Variants in MALRD1 observed in about 807,000 individuals in gnomAD.
The protein encoded by MALRD1 is MAM and LDL receptor class A domain containing 1.
A neutral mutation model predicts 242.1 loss-of-function variants in MALRD1; 247 were observed. The observed-to-expected ratio is 1.02, with a 90% CI of 0.92 to 1.13. MALRD1 has a LOEUF of 1.13. MALRD1 is among the 50% of genes most tolerant of loss of function. MALRD1 has a pLI of 0.00. For missense variants in MALRD1, 2,989 were observed against 2,533.1 expected (o/e 1.18, Z -3.86); for synonymous variants, 995 against 866.6 (o/e 1.15, Z -2.60).
At chr10:19,610,176 G>A (rs561297501) in intron 35 of MALRD1, among the ~76,000 whole-genome samples, 2 of 151,826 alleles carry the variant, frequency 1.3e-5, no homozygotes, top group Non-Finnish European at 2.9e-5. Flanking sequence ...TCAAATCAGG[G>A]TAGTTAGCTT....
At chr10:19,237,268 C>G (rs1276475962) in intron 18 of MALRD1, among the ~76,000 whole-genome samples, 3 of 151,340 alleles carry the variant, frequency 2.0e-5, no homozygotes, top group Non-Finnish European at 4.4e-5. Context: ...TAACTGTTAA[C>G]CAGTCTCCCT....
chr10:19,146,187 A>G lies in MALRD1; in HGVS notation c.1412-11A>G, dbSNP rs766018971. On this transcript the variant is annotated splice_polypyrimidine_tract_variant and intron_variant, in intron 10 of 39. Transcript: ENST00000454679. ...TTTCTCCTCACCTGTTTTCTCTTCTACGTGTAACAGCAAAGCATCTCACCT... is the reference window on the plus strand; with the variant it reads ...TTTCTCCTCACCTGTTTTCTCTTCTGCGTGTAACAGCAAAGCATCTCACCT... 6 of 1,231,402 alleles carry G rather than the reference A, an allele frequency of 4.9e-6. No homozygotes were observed. Among genetic ancestry groups the G allele is most frequent in the Non-Finnish European group, 4.0e-6 (4 of 987,874 alleles). 76.3% of individuals were successfully genotyped at this position (1,231,402 alleles called of 1,614,324 possible).
intron 11 of MALRD1, among the ~76,000 whole-genome samples, chr10:19,148,780 A>ATAT (rs1554797928): frequency 1.4e-5 from 1 of 72,128 alleles, no homozygotes; most frequent in African/African-American, 5.1e-5. Context: ...AATTAAAAAA[A>ATAT]AAAAAAAAAT....
chr10:19,504,656 T>A (rs1838118214), intron 31 of MALRD1, among the ~76,000 whole-genome samples: 1 of 150,042 alleles, frequency 6.7e-6, no homozygotes, highest in Non-Finnish European at 1.5e-5. Flanking sequence ...ATGACTATAT[T>A]GTAACACATT....
rs1835258821 is a variant in MALRD1, at chr10:19,730,767, C to T, written c.6376C>T (p.Pro2126Ser). 1 of 1,536,350 alleles carries T rather than the reference C, an allele frequency of 6.5e-7. No individual in the cohort carries two copies. The highest frequency in any genetic ancestry group is 1.4e-5 in the African/African-American group (1 of 72,950). The change falls in exon 39 of 40, where the codon CCA becomes TCA. Residue 2126 changes from proline to serine, a missense_variant. By Grantham distance (74) the Pro-to-Ser change is moderately conservative. Coordinates refer to ENST00000454679, the MANE Select transcript of MALRD1 (RefSeq NM_001142308.3). The stretch of plus-strand genomic sequence containing the variant: ...TCCAGTTTACGGGAACTGGAGCAAC[C>T]CAGAGAAAACAGAGGTAAGTGGCAA... Reference protein sequence around the residue: ...VNPVYGNWSNPEKTESSVYSF... With the variant: ...VNPVYGNWSNSEKTESSVYSF...
intron 11 of MALRD1, among the ~76,000 whole-genome samples, chr10:19,146,597 G>C (rs529392940): frequency 1.3e-5 from 2 of 152,256 alleles, no homozygotes; most frequent in Non-Finnish European, 2.9e-5. Flanking sequence ...AGGTGGAAAA[G>C]TTTTCTGATC....
rs189758047 is a variant in MALRD1, at chr10:19,166,060, T to C, written c.1830+250T>C. Reference sequence around the variant, plus strand: ...GATCAAACACATGATCTGTGATGAGTAGAGAGGTTGTTTTGACTATGCACT... The same window carrying C: ...GATCAAACACATGATCTGTGATGAGCAGAGAGGTTGTTTTGACTATGCACT... On this transcript the variant is annotated intron_variant, in intron 13 of 39. Transcript: ENST00000454679. Among the ~76,000 whole-genome samples the C allele has an allele frequency of 4.3e-4, 66 of 152,182 alleles. 3 individuals are homozygous for C. The South Asian group carries it at 0.012, about 27-fold the overall frequency.
At chr10:19,139,401 A>T (rs547334924) in intron 10 of MALRD1, among the ~76,000 whole-genome samples, 1 of 152,318 alleles carries the variant, frequency 6.6e-6, no homozygotes, top group South Asian at 2.1e-4. Flanking sequence ...CGATTCTTCC[A>T]TGTTCATGAA....
intron 19 of MALRD1, among the ~76,000 whole-genome samples, chr10:19,273,995 T>A (rs896022974): frequency 4.0e-5 from 6 of 151,864 alleles, no homozygotes; most frequent in African/African-American, 1.5e-4. Flanking sequence ...TATGAGACTA[T>A]AGAGAGATCA....
intron 32 of MALRD1, among the ~76,000 whole-genome samples, chr10:19,552,342 T>A (rs1268676054): frequency 2.6e-5 from 4 of 152,176 alleles, no homozygotes; most frequent in Non-Finnish European, 5.9e-5. Context: ...CTTCTAGATT[T>A]CCTAGTTCAT....
chr10:19,288,278 C>T (rs1393772386), intron 21 of MALRD1, among the ~76,000 whole-genome samples: 1 of 151,896 alleles, frequency 6.6e-6, no homozygotes, highest in East Asian at 1.9e-4. Flanking sequence ...GTACCCATCC[C>T]CTAAGCATTT....
At chr10:19,276,067 G>C (rs72796450) in intron 19 of MALRD1, among the ~76,000 whole-genome samples, 12,333 of 152,160 alleles carry the variant, frequency 0.081, 636 homozygotes, top group Middle Eastern at 0.13. Flanking sequence ...GCAAATGACA[G>C]TCATCTCTGT....
intron 14 of MALRD1, among the ~76,000 whole-genome samples, chr10:19,199,103 A>G (rs1037613114): frequency 1.3e-5 from 2 of 152,186 alleles, no homozygotes; most frequent in African/African-American, 4.8e-5. Context: ...CTAAGCCAAC[A>G]TACTAGAATA....
At chr10:19,388,982 G>A (rs960496162) in intron 27 of MALRD1, among the ~76,000 whole-genome samples, 1 of 151,354 alleles carries the variant, frequency 6.6e-6, no homozygotes, top group African/African-American at 2.4e-5. Context: ...TTATGGATAT[G>A]TCAATGTGCA....
intron 28 of MALRD1, among the ~76,000 whole-genome samples, chr10:19,397,593 T>C (rs1020787133): frequency 6.6e-6 from 1 of 152,166 alleles, no homozygotes; most frequent in Non-Finnish European, 1.5e-5. Flanking sequence ...CCTTTGAATA[T>C]ATACCCAGTA....
chr10:19,177,418 A>T (rs1835308951), intron 14 of MALRD1, among the ~76,000 whole-genome samples: 1 of 152,100 alleles, frequency 6.6e-6, no homozygotes, highest in African/African-American at 2.4e-5. Flanking sequence ...ATTAAAGTTG[A>T]CATTGAAGAG....
intron 32 of MALRD1, among the ~76,000 whole-genome samples, chr10:19,537,207 A>G (rs1589215251): frequency 1.3e-5 from 2 of 152,320 alleles, no homozygotes; most frequent in East Asian, 1.9e-4. Context: ...GAGTATTAAC[A>G]TGAAGAGTAA....
intron 18 of MALRD1, among the ~76,000 whole-genome samples, chr10:19,210,802 T>C (rs1837015747): frequency 6.6e-6 from 1 of 152,138 alleles, no homozygotes; most frequent in Admixed American, 6.5e-5. Flanking sequence ...GAATCCCCCA[T>C]CTATAGTGTG....
At chr10:19,410,103 T>C (rs549803148) in intron 28 of MALRD1, among the ~76,000 whole-genome samples, 2 of 152,316 alleles carry the variant, frequency 1.3e-5, no homozygotes, top group Non-Finnish European at 2.9e-5. Flanking sequence ...TTCCAAGCCA[T>C]GTCACGTAAT....
Sources: gnomAD v4.1 joint callset for allele counts (sites outside exome capture counted in the v4.1 genomes callset) on GRCh38, gnomAD v4.1.1 for gene constraint, MANE v1.5 for transcripts, NCBI Gene and HGNC (gene_info 2026-07-23, HGNC 2026-07-21) for gene names.